MACF1: variants seen among roughly 807,000 people sequenced by gnomAD.
MACF1 encodes microtubule actin crosslinking factor 1.
Under a neutral mutation model 854.8 loss-of-function variants are expected in MACF1, and 193 were observed. The ratio of observed to expected loss-of-function variants is 0.23; its 90% CI spans 0.20 to 0.25. The LOEUF (loss-of-function observed/expected upper bound fraction) is 0.25. Ranked by LOEUF, MACF1 falls within the 10% of genes least tolerant of loss-of-function variation. MACF1 has a pLI of 1.00. For synonymous variants in MACF1, 3,185 were observed against 3,226.7 expected (o/e 0.99, Z 0.44); for missense variants, 7,722 against 8,929.1 (o/e 0.86, Z 5.45).
intron 58 of MACF1, chr1:39,413,790 A>G (rs1643151579): frequency 1.2e-5 from 19 of 1,611,700 alleles, no homozygotes; most frequent in Non-Finnish European, 1.6e-5. Context: ...CAGCTGCTGC[A>G]GTGCCCACCC....
chr1:39,416,811 G>T (rs1303797234), intron 58 of MACF1, among the ~76,000 whole-genome samples: 1 of 152,220 alleles, frequency 6.6e-6, no homozygotes, highest in East Asian at 1.9e-4. Context: ...GGAATATCTG[G>T]AAGTGAGCAA....
chr1:39,479,869 C>A lies in MACF1; in HGVS notation c.22030C>A (p.Pro7344Thr), dbSNP rs1202869208. 5 of 1,614,122 alleles carry A rather than the reference C, an allele frequency of 3.1e-6. No individual in the cohort carries two copies. The highest frequency in any genetic ancestry group is 4.2e-6 in the Non-Finnish European group (5 of 1,180,050). The change falls in exon 98 of 101, where the codon CCC becomes ACC. Residue 7344 changes from proline to threonine, a missense_variant. Around this residue, in one of 15 missense-constraint regions of MACF1, gnomAD observed 153 missense variants for 342.5 expected, o/e 0.45. Transcript: ENST00000564288. ...LPEGASQGMT[P>T]FRSRGRRSKP... ...AGAGGGAGCATCCCAGGGAATGACC[C>A]CCTTCCGCTCACGGGGTCGAAGGTC...
At chr1:39,443,643 C>T (rs1477291482) in intron 79 of MACF1, 69 bp downstream of exon 79, 15 of 1,446,726 alleles carry the variant, frequency 1.0e-5, no homozygotes, top group African/African-American at 1.4e-5. Context: ...AGTTCACAGT[C>T]ATAATTAATA....
chr1:39,132,657 C>G (rs1421142498), intron 2 of MACF1, among the ~76,000 whole-genome samples: 2 of 152,158 alleles, frequency 1.3e-5, no homozygotes. Flanking sequence ...GATTCCTCCC[C>G]CTTCCTTCTG....
rs775047078 is a variant in MACF1, at chr1:39,287,491, A to G, written c.1714A>G (p.Ile572Val). The change falls in exon 15 of 101, where the codon ATC becomes GTC. Residue 572 changes from isoleucine to valine, a missense_variant. Ile to Val is a conservative substitution (Grantham distance 29, BLOSUM62 3). Coordinates refer to ENST00000564288, the MANE Select transcript of MACF1 (RefSeq NM_001394062.1). ...TATGACTCGGGCTGAACTTGTGGCC[A>G]TCAGCTCCTCTGAAGATGAAGGCAA... is the stretch of plus-strand genomic sequence containing the variant. ...KPMTRAELVA[I>V]SSSEDEGNLR... 36 of 1,614,192 alleles carry G rather than the reference A, an allele frequency of 2.2e-5. No individual in the cohort carries two copies. In the South Asian group the frequency reaches 3.3e-4, roughly 15 times the overall value.
chr1:39,290,808 C>G (rs1645763890), intron 15 of MACF1, among the ~76,000 whole-genome samples: 1 of 151,586 alleles, frequency 6.6e-6, no homozygotes, highest in Admixed American at 6.6e-5. Context: ...GCTGAGATTA[C>G]AGGCGTGCGC....
rs187861147 is a variant in MACF1 at position 39,395,824 on chromosome 1, A to G, written c.15816+7166A>G. Among the ~76,000 whole-genome samples, 6 of 152,102 alleles carry G rather than the reference A, an allele frequency of 3.9e-5. No homozygotes were observed. In the East Asian group the frequency reaches 1.2e-3, roughly 29 times the overall value. Reference sequence around the variant, plus strand: ...CCTTTAAGGCCTTTAAGTTTGCTTCATGTTGAACCTTTTCCAGCTCCCTTT... The same window carrying G: ...CCTTTAAGGCCTTTAAGTTTGCTTCGTGTTGAACCTTTTCCAGCTCCCTTT... On this transcript the variant is annotated intron_variant, in intron 58 of 100. Transcript: ENST00000564288.
At position 39,285,129 on chromosome 1, in the gene MACF1, C is replaced by A; in HGVS notation, c.1178C>A (p.Pro393His). The A allele has an allele frequency of 6.2e-7, 1 of 1,614,156 alleles. No individual in the cohort carries two copies. The highest frequency in any genetic ancestry group is 8.5e-7 in the Non-Finnish European group (1 of 1,180,030). ...GRIKLPQGYH[P>H]NDVEEEWGKL... is the part of the protein sequence containing the mutation. The stretch of plus-strand genomic sequence containing the variant: ...ATTAAACTGCCTCAAGGTTATCACC[C>A]TAATGATGTGGAAGAAGAGTGGGGA... Residue 393 changes from proline to histidine, a missense_variant, in exon 12 of 101, where the codon CCT becomes CAT. By Grantham distance (77) the Pro-to-His change is moderately conservative. Transcript: ENST00000564288.
At chr1:39,171,906 G>A (rs538890161) in intron 2 of MACF1, among the ~76,000 whole-genome samples, 95 of 152,084 alleles carry the variant, frequency 6.2e-4, no homozygotes, top group African/African-American at 2.1e-3. Flanking sequence ...GATTATAGGC[G>A]TGAGCCACCA....
intron 1 of MACF1, among the ~76,000 whole-genome samples, chr1:39,224,808 A>G (rs527386842): frequency 6.6e-6 from 1 of 152,350 alleles, no homozygotes; most frequent in African/African-American, 2.4e-5. Flanking sequence ...TGAAACTAAA[A>G]TAAAATTAGG....
intron 2 of MACF1, among the ~76,000 whole-genome samples, chr1:39,183,827 A>G (rs924705350): frequency 6.6e-6 from 1 of 152,194 alleles, no homozygotes; most frequent in Non-Finnish European, 1.5e-5. Flanking sequence ...CTTGGGAGGT[A>G]TAGCGAGAGT....
intron 27 of MACF1, 48 bp downstream of exon 27, chr1:39,315,739 A>G (rs200178649): frequency 2.5e-5 from 39 of 1,576,388 alleles, no homozygotes; most frequent in Non-Finnish European, 3.2e-5. Flanking sequence ...TTCCATTGGG[A>G]TAAGAAAGAG....
chr1:39,343,814 A>G (rs1646986685), intron 40 of MACF1, among the ~76,000 whole-genome samples: 1 of 152,094 alleles, frequency 6.6e-6, no homozygotes, highest in Admixed American at 6.5e-5. Context: ...CAGGAGTGAA[A>G]GTTTATTTAA....
At position 39,357,548 on chromosome 1, in the gene MACF1, G is replaced by A. The variant is rs1647699616; in HGVS notation, c.11598G>A (p.Glu3866=). 2 of 1,614,158 alleles carry A rather than the reference G, an allele frequency of 1.2e-6. No individual in the cohort carries two copies. The highest frequency in any genetic ancestry group is 1.7e-6 in the Non-Finnish European group (2 of 1,180,028). The part of the protein sequence containing the change: ...EQYSTSLAQS[E]AELKQVQTLQ... ...ACTCTACTTCCCTGGCCCAATCAGA[G>A]GCAGAACTGAAGCAGGTGCAGACAC... The change falls in exon 45 of 101, where the codon GAG becomes GAA. Residue 3866 remains glutamate, a synonymous_variant. Coordinates refer to ENST00000564288, the MANE Select transcript of MACF1 (RefSeq NM_001394062.1).
intron 58 of MACF1, chr1:39,413,015 C>A: frequency 6.3e-7 from 1 of 1,582,914 alleles, no homozygotes; most frequent in East Asian, 2.3e-5. Context: ...GTATCTGTCC[C>A]TGAAGGGACT....
chr1:39,178,326 T>C (rs766967560), intron 2 of MACF1, among the ~76,000 whole-genome samples: 2 of 152,154 alleles, frequency 1.3e-5, no homozygotes, highest in Non-Finnish European at 2.9e-5. Context: ...TCACAGACAG[T>C]GCACATGTAC....
In MACF1 at chr1:39,105,789, G is replaced by T. The variant is rs1642215115; in HGVS notation, c.220+21351G>T. 2 of 1,006,058 alleles carry T rather than the reference G, an allele frequency of 2.0e-6. No homozygotes were observed. The highest frequency in any genetic ancestry group is 2.4e-6 in the Non-Finnish European group (2 of 842,560). 62.3% of individuals were successfully genotyped at this position (1,006,058 alleles called of 1,614,324 possible). A position where few individuals can be genotyped will look rare whatever the true frequency, so the allele number is the denominator to read the frequency against. On this transcript the variant is annotated intron_variant, in intron 2 of 93. Coordinates refer to the MACF1 transcript ENST00000361689. This position sits in a 1 kb window ranked among gnomAD's most constrained non-coding sequence, Gnocchi z 5.9. ...CGTGGCCTTCGGAGCCGGTCGGCTC[G>T]GCGGCTGCAGGTGGGGCGGCCGGGC...
chr1:39,263,745 C>G (rs1433525823), intron 6 of MACF1, among the ~76,000 whole-genome samples: 1 of 148,548 alleles, frequency 6.7e-6, no homozygotes, highest in Non-Finnish European at 1.5e-5. Flanking sequence ...TTTGGTATAT[C>G]CTTTCTTTCA....
intron 2 of MACF1, among the ~76,000 whole-genome samples, chr1:39,160,167 A>T (rs1643768921): frequency 6.6e-6 from 1 of 152,128 alleles, no homozygotes. Flanking sequence ...ATGTTAAAAA[A>T]TTAGCTGGGC....
Sources: allele counts gnomAD v4.1 joint callset (sites outside exome capture counted in the v4.1 genomes callset), GRCh38; gene constraint gnomAD v4.1.1; regional missense constraint gnomAD v4.1.1; non-coding constraint Gnocchi (gnomAD v3.1); transcripts MANE v1.5; gene names NCBI Gene and HGNC (gene_info 2026-07-23, HGNC 2026-07-21).